Variants in NSUN6 observed in about 807,000 individuals in gnomAD.
The protein encoded by NSUN6 is tRNA (cytosine(72)-C(5))-methyltransferase NSUN6.
Under a neutral mutation model 58.0 loss-of-function variants are expected in NSUN6, and 64 were observed. That is an observed-to-expected ratio of 1.10 (90% CI 0.90 to 1.36). NSUN6 has a LOEUF of 1.36. NSUN6 is among the 40% of genes most tolerant of loss of function. The probability of loss-of-function intolerance (pLI) is 0.00; values close to 1 mark genes in which losing one functional copy is unlikely to be tolerated. For synonymous variants in NSUN6, 231 were observed against 193.9 expected (o/e 1.19, Z -1.59); for missense variants, 701 against 550.1 (o/e 1.27, Z -2.74).
chr10:18,588,721 C>A (rs929321408), intron 7 of NSUN6, among the ~76,000 whole-genome samples: 4 of 152,148 alleles, frequency 2.6e-5, no homozygotes, highest in African/African-American at 9.7e-5. Context: ...CAGAAAGCAA[C>A]AACATCAACA....
rs776153994 is a variant in NSUN6 at position 18,551,829 on chromosome 10, G to T, written c.1065C>A (p.Phe355Leu). The T allele has an allele frequency of 1.2e-6, 2 of 1,612,702 alleles. No homozygotes were observed. Among genetic ancestry groups the T allele is most frequent in the South Asian group, 1.1e-5 (1 of 90,728 alleles). ...AAAACAGACCACCACATACTGCAGT[G>T]AAGAGTTTTCGCTGTAATGGCTGAT... is the stretch of plus-strand genomic sequence containing the variant. ...ASYQPLQRKLFTAAVQLLKPE... is the reference protein window; with the variant it reads ...ASYQPLQRKLLTAAVQLLKPE... Residue 355 changes from phenylalanine (F) to leucine (L), a missense_variant, in exon 9 of 11, where the codon TTC (phenylalanine) becomes TTA (leucine). Coordinates refer to ENST00000377304, the MANE Select transcript of NSUN6 (RefSeq NM_182543.5).
At chr10:18,623,494 G>A (rs1447927669) in intron 3 of NSUN6, among the ~76,000 whole-genome samples, 2 of 152,170 alleles carry the variant, frequency 1.3e-5, no homozygotes, top group Admixed American at 6.5e-5. Context: ...CTCTGAAAAG[G>A]AGAGGCTCCT....
rs778815503 is a variant in NSUN6, at chr10:18,614,589, G to A, written c.446C>T (p.Ser149Phe). 2 of 1,450,834 alleles carry A rather than the reference G, an allele frequency of 1.4e-6. No individual in the cohort carries two copies. The highest frequency in any genetic ancestry group is 2.4e-5 in the Admixed American group (1 of 42,160). 89.9% of individuals were successfully genotyped at this position (1,450,834 alleles called of 1,614,324 possible). Residue 149 changes from serine to phenylalanine, a missense_variant, in exon 5 of 11, where the codon TCT (serine) becomes TTT (phenylalanine). By Grantham distance (155) the Ser-to-Phe change is radical (BLOSUM62 -2). Transcript: ENST00000377304. ...SQFMKAGDVISVYSDIKGKCK... is the reference protein window; with the variant it reads ...SQFMKAGDVIFVYSDIKGKCK... ...TTTTCCTTTAATATCAGAGTATACA[G>A]AAATAACATCTCCAGCTTTCATAAC...
chr10:18,609,892 G>C lies in NSUN6; in HGVS notation c.610C>G (p.Leu204Val). The change falls in exon 6 of 11, where the codon CTC (leucine) becomes GTC (valine). Residue 204 changes from leucine to valine, a missense_variant. Transcript: ENST00000377304. ...MGIRMTEPVYLSPSFDSVLPR... is the reference protein window; with the variant it reads ...MGIRMTEPVYVSPSFDSVLPR... ...AGTACACTGTCAAATGAAGGGCTGA[G>C]ATATACTGGTTCTGTCATTCTTATG... The C allele has an allele frequency of 1.2e-6, 2 of 1,605,202 alleles. No individual in the cohort carries two copies. The highest frequency in any genetic ancestry group is 1.7e-6 in the Non-Finnish European group (2 of 1,172,096).
chr10:18,651,603 G>A, upstream of NSUN6: 5 of 987,838 alleles, frequency 5.1e-6, no homozygotes, highest in Non-Finnish European at 6.0e-6. Flanking sequence ...CCAAACACGC[G>A]CCCCCTATTT....
At chr10:18,657,184 T>C (rs1590218257), upstream of NSUN6, among the ~76,000 whole-genome samples, 1 of 152,204 alleles carries the variant, frequency 6.6e-6, no homozygotes, top group East Asian at 1.9e-4. Context: ...GCATGATATC[T>C]GTTTAGATAA....
intron 3 of NSUN6, among the ~76,000 whole-genome samples, chr10:18,630,391 A>G (rs2058984690): frequency 6.6e-6 from 1 of 151,904 alleles, no homozygotes; most frequent in Non-Finnish European, 1.5e-5. Context: ...AGAAGGCAAG[A>G]AATAACTAAA....
intron 6 of NSUN6, among the ~76,000 whole-genome samples, chr10:18,606,440 C>G (rs982042583): frequency 6.6e-6 from 1 of 152,176 alleles, no homozygotes; most frequent in Non-Finnish European, 1.5e-5. Flanking sequence ...GTGTGGGATC[C>G]TGGATCGGAT....
rs541350440 is a variant in NSUN6, at chr10:18,595,348, C to A, written c.777+860G>T. Among the ~76,000 whole-genome samples, 125 of 152,262 alleles carry A rather than the reference C, an allele frequency of 8.2e-4. 2 individuals carry two copies. In the South Asian group the frequency reaches 0.025, roughly 30 times the overall value. On this transcript the variant is annotated intron_variant, in intron 7 of 10. Transcript: ENST00000377304. ...GAAAGACATTTTTACTAAGAGAGAA[C>A]CAAATCTCTATGAATAATTACCTTT...
chr10:18,653,376 T>C, upstream of NSUN6: 1 of 968,788 alleles, frequency 1.0e-6, no homozygotes, highest in Non-Finnish European at 1.2e-6. Context: ...ACATTTAGAC[T>C]TTTTTGTTTG....
chr10:18,630,460 C>A (rs910744060), intron 3 of NSUN6, among the ~76,000 whole-genome samples: 49 of 152,162 alleles, frequency 3.2e-4, no homozygotes, highest in African/African-American at 1.1e-3. Flanking sequence ...ATCAATGAAT[C>A]CAGGAGCTGG....
intron 8 of NSUN6, among the ~76,000 whole-genome samples, chr10:18,579,358 G>C (rs1350088094): frequency 6.6e-6 from 1 of 152,048 alleles, no homozygotes; most frequent in Non-Finnish European, 1.5e-5. Context: ...TTTTAGTAGA[G>C]ACAGGGTTTC....
intron 3 of NSUN6, among the ~76,000 whole-genome samples, chr10:18,636,236 C>A (rs189575073): frequency 0.016 from 2,495 of 151,706 alleles, 36 homozygotes; most frequent in Non-Finnish European, 0.026. Context: ...ACTGTACTCA[C>A]CAACAAAGAC....
intron 5 of NSUN6, among the ~76,000 whole-genome samples, chr10:18,612,993 A>C (rs2058289913): frequency 6.6e-6 from 1 of 152,240 alleles, no homozygotes; most frequent in African/African-American, 2.4e-5. Context: ...AATATAAATA[A>C]GAAACAGGGT....
At chr10:18,570,349 T>C (rs981926433) in intron 8 of NSUN6, among the ~76,000 whole-genome samples, 4 of 150,838 alleles carry the variant, frequency 2.7e-5, no homozygotes, top group African/African-American at 7.3e-5. Context: ...CCATTCCATA[T>C]TCAATTCCAT....
intron 2 of NSUN6, among the ~76,000 whole-genome samples, chr10:18,645,447 C>G (rs2131584600): frequency 6.6e-6 from 1 of 152,274 alleles, no homozygotes; most frequent in African/African-American, 2.4e-5. Flanking sequence ...TATATACATG[C>G]AAATATTCTA....
At chr10:18,612,620 C>T (rs898253706) in intron 5 of NSUN6, among the ~76,000 whole-genome samples, 4 of 152,224 alleles carry the variant, frequency 2.6e-5, no homozygotes, top group African/African-American at 9.6e-5. Flanking sequence ...CTTCCTAACT[C>T]AGTTCCTAAC....
intron 3 of NSUN6, among the ~76,000 whole-genome samples, chr10:18,634,878 G>T (rs1365610766): frequency 6.6e-6 from 1 of 152,170 alleles, no homozygotes; most frequent in Non-Finnish European, 1.5e-5. Context: ...GCTGGAGACT[G>T]CGGTTCTTAG....
At chr10:18,557,202 G>A (rs531388790) in intron 8 of NSUN6, among the ~76,000 whole-genome samples, 19 of 150,272 alleles carry the variant, frequency 1.3e-4, no homozygotes, top group Middle Eastern at 3.5e-3. Context: ...GATGGAATGC[G>A]TATGCAATGG....
Sources: gnomAD v4.1 joint callset for allele counts (sites outside exome capture counted in the v4.1 genomes callset) on GRCh38, gnomAD v4.1.1 for gene constraint, MANE v1.5 for transcripts, NCBI Gene and HGNC (gene_info 2026-07-23, HGNC 2026-07-21) for gene names.